The following ROBO2 variants were observed in gnomAD, a reference collection of about 807,000 sequenced individuals.
ROBO2 encodes the protein roundabout guidance receptor 2, also known as roundabout homolog 2.
A neutral mutation model predicts 160.8 loss-of-function variants in ROBO2; 53 were observed. The ratio of observed to expected loss-of-function variants is 0.33; its 90% CI spans 0.26 to 0.41. ROBO2 has a LOEUF of 0.41. Ranked by LOEUF, ROBO2 falls within the 10% of genes least tolerant of loss-of-function variation. The pLI is 1.00. For synonymous variants in ROBO2, 664 were observed against 611.7 expected (o/e 1.09, Z -1.26); for missense variants, 1,577 against 1,722.4 (o/e 0.92, Z 1.49).
At chr3:76,099,637 C>G (rs2069598592) in intron 2 of ROBO2, among the ~76,000 whole-genome samples, 1 of 152,024 alleles carries the variant, frequency 6.6e-6, no homozygotes, top group Non-Finnish European at 1.5e-5. Flanking sequence ...ATTATAGAAT[C>G]CTGTAAATTT....
intron 2 of ROBO2, among the ~76,000 whole-genome samples, chr3:77,345,736 A>C (rs2153454410): frequency 6.6e-6 from 1 of 152,270 alleles, no homozygotes; most frequent in South Asian, 2.1e-4. Context: ...TCAAAAGGTG[A>C]AAATATATGC....
At chr3:76,895,474 A>G (rs890228675) in intron 2 of ROBO2, among the ~76,000 whole-genome samples, 1 of 152,094 alleles carries the variant, frequency 6.6e-6, no homozygotes, top group Non-Finnish European at 1.5e-5. Context: ...ATACTTTATC[A>G]TAGCATATTT....
intron 2 of ROBO2, among the ~76,000 whole-genome samples, chr3:76,346,773 G>A (rs1386094805): frequency 6.6e-6 from 1 of 152,128 alleles, no homozygotes; most frequent in African/African-American, 2.4e-5. Context: ...AAAAATATGA[G>A]CTTTCTCCCA....
At chr3:76,488,614 C>T (rs374014296) in intron 2 of ROBO2, among the ~76,000 whole-genome samples, 1 of 152,292 alleles carries the variant, frequency 6.6e-6, no homozygotes, top group African/African-American at 2.4e-5. Flanking sequence ...TCCATCCTAT[C>T]TAAATACTCT....
intron 2 of ROBO2, among the ~76,000 whole-genome samples, chr3:76,257,540 C>A (rs546617727): frequency 1.3e-5 from 2 of 152,234 alleles, no homozygotes; most frequent in African/African-American, 4.8e-5. Flanking sequence ...CCACCAAATG[C>A]ATAGTTATTT....
chr3:77,606,671 T>C (rs1170012465), intron 20 of ROBO2, among the ~76,000 whole-genome samples: 1 of 152,226 alleles, frequency 6.6e-6, no homozygotes, highest in East Asian at 1.9e-4. Context: ...TTACATAATA[T>C]TCAACGTGGC....
At position 77,183,427 on chromosome 3, in the gene ROBO2, A is replaced by G. The variant is rs139816259; in HGVS notation, c.388+85087A>G. Among the ~76,000 whole-genome samples, 558 of 152,184 alleles carry G rather than the reference A, an allele frequency of 3.7e-3. 2 individuals are homozygous for G. Among genetic ancestry groups the G allele is most frequent in the African/African-American group, 0.013 (524 of 41,538 alleles). On this transcript the variant is annotated intron_variant, in intron 2 of 25. Coordinates refer to ENST00000461745, the Ensembl canonical transcript of ROBO2. Reference sequence around the variant, plus strand: ...TCTTTAGAGAAGTAATTAAGTTAAAATGAGGTCATCAGGGTGGGCCCTAGA... The same window carrying G: ...TCTTTAGAGAAGTAATTAAGTTAAAGTGAGGTCATCAGGGTGGGCCCTAGA...
intron 2 of ROBO2, among the ~76,000 whole-genome samples, chr3:76,405,085 A>G (rs767104593): frequency 6.6e-6 from 1 of 151,692 alleles, no homozygotes; most frequent in East Asian, 1.9e-4. Context: ...GGTAAAAAGG[A>G]TGAAAGAATA....
intron 2 of ROBO2, among the ~76,000 whole-genome samples, chr3:76,841,642 C>T (rs541311368): frequency 6.6e-6 from 1 of 152,150 alleles, no homozygotes; most frequent in South Asian, 2.1e-4. Flanking sequence ...TAATAGGCAC[C>T]ACTATTAGTA....
At chr3:77,402,261 G>A (rs1009633868) in intron 2 of ROBO2, among the ~76,000 whole-genome samples, 1 of 152,060 alleles carries the variant, frequency 6.6e-6, no homozygotes, top group East Asian at 1.9e-4. Context: ...ACAGGGAGGG[G>A]AACATCACAC....
chr3:75,967,812 G>T (rs1240981038), intron 2 of ROBO2, among the ~76,000 whole-genome samples: 4 of 151,108 alleles, frequency 2.6e-5, no homozygotes, highest in Non-Finnish European at 5.9e-5. Flanking sequence ...TTATCAAGTT[G>T]CCCATTTCTA....
At chr3:76,169,070 A>C (rs149955075) in intron 2 of ROBO2, among the ~76,000 whole-genome samples, 210 of 152,252 alleles carry the variant, frequency 1.4e-3, no homozygotes, top group African/African-American at 4.9e-3. Flanking sequence ...AGAAGGTAGC[A>C]TGTGATCGAC....
chr3:76,848,510 T>C (rs2068995683), intron 2 of ROBO2, among the ~76,000 whole-genome samples: 1 of 152,204 alleles, frequency 6.6e-6, no homozygotes, highest in Admixed American at 6.5e-5. Context: ...CCTCTGGATC[T>C]CTCTCTGTCA....
At chr3:76,643,792 A>T (rs2109757265) in intron 2 of ROBO2, among the ~76,000 whole-genome samples, 1 of 152,258 alleles carries the variant, frequency 6.6e-6, no homozygotes. Flanking sequence ...AATAGAATTT[A>T]TGGCTGTCCT....
intron 2 of ROBO2, among the ~76,000 whole-genome samples, chr3:76,085,652 G>A (rs2068988082): frequency 6.6e-6 from 1 of 152,092 alleles, no homozygotes. Context: ...CCTGAAATTG[G>A]AGAGAGACAC....
chr3:76,123,350 AT>A (rs1364825245), intron 2 of ROBO2, among the ~76,000 whole-genome samples: 1 of 152,114 alleles, frequency 6.6e-6, no homozygotes, highest in Non-Finnish European at 1.5e-5. Context: ...AAGGAACAAT[AT>A]TTTCATGAAT....
chr3:77,640,097 A>ATTTTGTTTTTT (rs2095325856), intron 24 of ROBO2, among the ~76,000 whole-genome samples: 1 of 65,440 alleles, frequency 1.5e-5, no homozygotes, highest in Non-Finnish European at 2.6e-5. Flanking sequence ...CAGAGGAAGC[A>ATTTTGTTTTTT]TTTTTTTTTT....
chr3:77,340,114 A>G (rs2066908279), intron 2 of ROBO2, among the ~76,000 whole-genome samples: 2 of 152,128 alleles, frequency 1.3e-5, no homozygotes, highest in South Asian at 2.1e-4. Flanking sequence ...CTTTGCTATC[A>G]TAAGTGGTAA....
chr3:76,694,008 G>T (rs1375715352), intron 2 of ROBO2, among the ~76,000 whole-genome samples: 1 of 152,148 alleles, frequency 6.6e-6, no homozygotes, highest in Non-Finnish European at 1.5e-5. Flanking sequence ...TCACAAGGAG[G>T]ATTATGGAGA....
Sources: allele counts gnomAD v4.1 joint callset (sites outside exome capture counted in the v4.1 genomes callset), GRCh38; gene constraint gnomAD v4.1.1; transcripts MANE v1.5; gene names NCBI Gene and HGNC (gene_info 2026-07-23, HGNC 2026-07-21).